Variants in AKR1C2 observed in about 807,000 individuals in gnomAD.
AKR1C2 encodes the protein 3-alpha-HSD3.
In AKR1C2, 27 loss-of-function variants were observed where a neutral mutation model predicts 39.8. The ratio of observed to expected loss-of-function variants is 0.68; its 90% CI spans 0.50 to 0.93. The LOEUF is 0.93. AKR1C2 is among the 40% of genes least tolerant of loss of function. AKR1C2 has a pLI of 0.00. For missense variants in AKR1C2, 263 were observed against 365.1 expected (o/e 0.72, Z 2.28); for synonymous variants, 114 against 137.9 (o/e 0.83, Z 1.22).
intron 2 of AKR1C2, among the ~76,000 whole-genome samples, chr10:5,000,965 CATATTA>C (rs1554773780): frequency 2.0e-5 from 3 of 152,206 alleles, no homozygotes; most frequent in Non-Finnish European, 4.4e-5. Context: ...TTTTACAACT[CATATTA>C]GTGGTGTAAT....
chr10:5,017,163 A>G (rs1808970830), intron 1 of AKR1C2, among the ~76,000 whole-genome samples: 1 of 152,218 alleles, frequency 6.6e-6, no homozygotes, highest in Admixed American at 6.5e-5. Flanking sequence ...TGTCTTGGCT[A>G]TTAACATTTG....
chr10:5,000,919 A>G (rs1329820376), intron 2 of AKR1C2, among the ~76,000 whole-genome samples: 1 of 152,236 alleles, frequency 6.6e-6, no homozygotes, highest in Middle Eastern at 3.2e-3. Context: ...TTATCAAATC[A>G]TAAGCATACC....
intron 7 of AKR1C2, among the ~76,000 whole-genome samples, chr10:4,994,366 A>T (rs1353083372): frequency 6.6e-6 from 1 of 152,160 alleles, no homozygotes; most frequent in Admixed American, 6.5e-5. Context: ...TCTAACAATC[A>T]CATGTCCCTG....
At chr10:5,012,749 T>G (rs1429389009) in intron 1 of AKR1C2, among the ~76,000 whole-genome samples, 6 of 152,192 alleles carry the variant, frequency 3.9e-5, no homozygotes, top group African/African-American at 1.4e-4. Flanking sequence ...TTGTGATAAT[T>G]TTTTACTGCA....
chr10:4,991,015 C>T (rs2131669614), intron 8 of AKR1C2, among the ~76,000 whole-genome samples: 1 of 151,234 alleles, frequency 6.6e-6, no homozygotes, highest in East Asian at 1.9e-4. Context: ...TTAAAATCTC[C>T]ACTGCCATCA....
chr10:5,000,471 G>A, intron 3 of AKR1C2, 79 bp downstream of exon 3: 1 of 1,612,492 alleles, frequency 6.2e-7, no homozygotes, highest in Non-Finnish European at 8.5e-7. Context: ...CTAAGAAAAA[G>A]CTTAGTTCAA....
intron 5 of AKR1C2, among the ~76,000 whole-genome samples, chr10:4,998,351 C>T (rs1483045443): frequency 1.3e-5 from 2 of 152,182 alleles, no homozygotes; most frequent in Non-Finnish European, 2.9e-5. Flanking sequence ...GTCCACCTTT[C>T]CCTGAGTCTA....
intron 1 of AKR1C2, among the ~76,000 whole-genome samples, chr10:5,016,392 CCAAA>C (rs1554775353): frequency 6.6e-6 from 1 of 152,088 alleles, no homozygotes; most frequent in African/African-American, 2.4e-5. Flanking sequence ...AGAAATTGGC[CCAAA>C]CAAAGGGGCT....
chr10:5,003,525 T>C (rs1837333079), intron 1 of AKR1C2, among the ~76,000 whole-genome samples: 1 of 151,150 alleles, frequency 6.6e-6, no homozygotes, highest in Non-Finnish European at 1.5e-5. Flanking sequence ...TTCTTTCTGC[T>C]GAGTTTTATA....
At chr10:5,017,502 GA>G (rs1242669519) in intron 1 of AKR1C2, among the ~76,000 whole-genome samples, 2 of 152,178 alleles carry the variant, frequency 1.3e-5, no homozygotes, top group Non-Finnish European at 2.9e-5. Context: ...AGCATAGGAA[GA>G]GTGACCTTTA....
chr10:5,001,294 G>A (rs554150453), intron 2 of AKR1C2, among the ~76,000 whole-genome samples: 10 of 152,326 alleles, frequency 6.6e-5, no homozygotes, highest in African/African-American at 2.2e-4. Context: ...TGAGCTCGAA[G>A]AGTAAAGGCA....
intron 1 of AKR1C2, among the ~76,000 whole-genome samples, chr10:5,009,058 G>A (rs1554774670): frequency 6.6e-6 from 1 of 152,156 alleles, no homozygotes; most frequent in Non-Finnish European, 1.5e-5. Context: ...CCGTGCAGGA[G>A]GAAAAAGGAA....
chr10:5,016,422 G>T (rs797026447), intron 1 of AKR1C2, among the ~76,000 whole-genome samples: 19 of 152,290 alleles, frequency 1.2e-4, no homozygotes, highest in African/African-American at 4.3e-4. Flanking sequence ...CCCCATAAAA[G>T]TCCAAAACCC....
In AKR1C2 at chr10:4,991,023, TCAGTTACATAA is replaced by T. The variant is rs1287554176; in HGVS notation, c.929+797_929+807del. Among the ~76,000 whole-genome samples, 11 of 151,370 alleles carry T rather than the reference TCAGTTACATAA, an allele frequency of 7.3e-5. No homozygotes were observed. In the South Asian group the frequency reaches 1.2e-3, roughly 17 times the overall value. On this transcript the variant is annotated intron_variant, in intron 8 of 8. Transcript: ENST00000380753. ...TTACTTGTTAAAATCTCCACTGCCATCAGTTACATAACTTCTTTTTCCCTCATTATTTGAAT... is the reference window on the plus strand; with the variant it reads ...TTACTTGTTAAAATCTCCACTGCCATCTTCTTTTTCCCTCATTATTTGAAT...
intron 1 of AKR1C2, among the ~76,000 whole-genome samples, chr10:5,002,510 G>C (rs2854473): frequency 6.6e-6 from 1 of 152,178 alleles, no homozygotes. Context: ...ATTTGTGTAT[G>C]TAAGAAATAG....
rs1836859582 is a variant in AKR1C2, at chr10:4,991,970, A to G, written c.847-57T>C. 1.6e-5 allele frequency: 6 copies of G among 365,976 alleles called. No individual in the cohort carries two copies. In the Middle Eastern group the frequency reaches 3.2e-3, roughly 198 times the overall value. The allele number at this position is 365,976 out of a possible 1,614,324, so 22.7% of individuals were successfully genotyped here. A position where few individuals can be genotyped will look rare whatever the true frequency, so the allele number is the denominator to read the frequency against. On this transcript the variant is annotated intron_variant, in intron 7 of 8. Coordinates refer to ENST00000380753, the MANE Select transcript of AKR1C2 (RefSeq NM_001393392.1). The stretch of plus-strand genomic sequence containing the variant: ...TTAGATTACATCATTGCCAATTGGG[A>G]ACAACCAAGTTCATCAGACAGTAGG...
chr10:5,011,506 G>A (rs1554774918), intron 1 of AKR1C2, among the ~76,000 whole-genome samples: 1 of 152,162 alleles, frequency 6.6e-6, no homozygotes, highest in Non-Finnish European at 1.5e-5. Context: ...AGAATCTCTG[G>A]TGTAGGATTT....
chr10:4,995,993 T>C, intron 5 of AKR1C2, 128 bp from the exon 6 acceptor site: 1 of 1,105,640 alleles, frequency 9.0e-7, no homozygotes, highest in Non-Finnish European at 1.3e-6. Flanking sequence ...TTGTCAAAAA[T>C]GATCTTTTTC....
At chr10:4,998,790 G>A in intron 4 of AKR1C2, 43 bp from the exon 5 acceptor site, 1 of 1,611,152 alleles carries the variant, frequency 6.2e-7, no homozygotes, top group Non-Finnish European at 8.5e-7. Flanking sequence ...GTAGTCGACT[G>A]AAGAGCAAGA....
Sources: gnomAD v4.1 joint callset for allele counts (sites outside exome capture counted in the v4.1 genomes callset) on GRCh38, gnomAD v4.1.1 for gene constraint, MANE v1.5 for transcripts, NCBI Gene and HGNC (gene_info 2026-07-23, HGNC 2026-07-21) for gene names.